The following CCDC171 variants were observed in gnomAD, a reference collection of about 807,000 sequenced individuals.
The protein encoded by CCDC171 is coiled-coil domain-containing protein 171.
Under a neutral mutation model 168.2 loss-of-function variants are expected in CCDC171, and 177 were observed. The ratio of observed to expected loss-of-function variants is 1.05; its 90% CI spans 0.93 to 1.19. CCDC171 has a LOEUF of 1.19. Among genes scored for constraint, CCDC171 ranks in the 50% most tolerant of loss-of-function variants. The pLI is 0.00. For synonymous variants in CCDC171, 687 were observed against 540.8 expected, an observed-to-expected ratio of 1.27 and a Z score of -3.75; for missense variants, 1,991 against 1,539.0, an observed-to-expected ratio of 1.29 and a Z score of -4.91.
the CCDC171 span, among the ~76,000 whole-genome samples, chr9:16,084,373 G>A: frequency 6.6e-6 from 1 of 152,052 alleles, no homozygotes; most frequent in Non-Finnish European, 1.5e-5. Flanking sequence ...CCTTTCTTGT[G>A]TTCCTCTCTC....
At chr9:15,822,395 C>T (rs973752547) in intron 21 of CCDC171, among the ~76,000 whole-genome samples, 6 of 151,564 alleles carry the variant, frequency 4.0e-5, no homozygotes, top group African/African-American at 1.5e-4. Context: ...AGTGAACAGG[C>T]AACCTACAGA....
intron 10 of CCDC171, among the ~76,000 whole-genome samples, chr9:15,691,455 GT>G (rs1329940689): frequency 4.3e-4 from 60 of 140,598 alleles, no homozygotes; most frequent in Middle Eastern, 3.8e-3. Context: ...TTCTCTATTT[GT>G]TTTTTTTTAC....
At position 15,724,843 on chromosome 9, in the gene CCDC171, G is replaced by A. The variant is rs759526744; in HGVS notation, c.1559G>A (p.Arg520Gln). 6.8e-6 allele frequency: 11 copies of A among 1,613,662 alleles called. No individual in the cohort carries two copies. The Admixed American group carries it at 1.3e-4, about 20-fold the overall frequency. ...LSHLHTKCAD[R>Q]EALISTLKVE... ...CATTTACACACTAAATGTGCAGACC[G>A]AGAGGCTTTAATAAGCACTTTAAAA... The change falls in exon 14 of 26, where the codon CGA becomes CAA. Residue 520 changes from arginine (R) to glutamine (Q), a missense_variant. Transcript: ENST00000380701.
At chr9:16,104,823 A>T in the CCDC171 span, among the ~76,000 whole-genome samples, 1 of 152,104 alleles carries the variant, frequency 6.6e-6, no homozygotes, top group African/African-American at 2.4e-5. Flanking sequence ...TGATGACCAA[A>T]TATAGATGTG....
intron 21 of CCDC171, among the ~76,000 whole-genome samples, chr9:15,843,222 T>C (rs1202477554): frequency 6.6e-6 from 1 of 152,100 alleles, no homozygotes; most frequent in Non-Finnish European, 1.5e-5. Context: ...ATAATAGCTT[T>C]TGAAATACAG....
intron 16 of CCDC171, among the ~76,000 whole-genome samples, chr9:15,735,893 G>A (rs892280571): frequency 6.6e-6 from 1 of 152,162 alleles, no homozygotes; most frequent in African/African-American, 2.4e-5. Flanking sequence ...TCAAATAATT[G>A]CTTTAGAAAT....
intron 10 of CCDC171, among the ~76,000 whole-genome samples, chr9:15,687,862 C>T (rs2050511493): frequency 6.6e-6 from 1 of 152,106 alleles, no homozygotes. Flanking sequence ...TGGCTCGTGC[C>T]TGTAATCCTA....
At chr9:16,012,074 A>G (rs919054963) in intron 3 of CCDC171, among the ~76,000 whole-genome samples, 1 of 152,196 alleles carries the variant, frequency 6.6e-6, no homozygotes, top group Non-Finnish European at 1.5e-5. Flanking sequence ...GCAAATAGGA[A>G]GTTCTCTTCT....
At chr9:15,733,761 G>A (rs1209805161) in intron 16 of CCDC171, among the ~76,000 whole-genome samples, 2 of 151,654 alleles carry the variant, frequency 1.3e-5, no homozygotes, top group African/African-American at 2.4e-5. Context: ...CTACCAGAAG[G>A]CATAGCAATT....
At chr9:15,727,492 G>C (rs1020166367) in intron 14 of CCDC171, among the ~76,000 whole-genome samples, 4 of 152,042 alleles carry the variant, frequency 2.6e-5, no homozygotes, top group African/African-American at 9.7e-5. Context: ...TAGAATTACT[G>C]TACTGAGTTA....
intron 7 of CCDC171, 37 bp downstream of exon 7, chr9:15,623,450 C>A: frequency 4.4e-6 from 6 of 1,377,482 alleles, no homozygotes; most frequent in Non-Finnish European, 4.1e-6. Flanking sequence ...TATATGCGTA[C>A]AAACTTTCAC....
At chr9:15,797,356 A>T (rs925802616) in intron 21 of CCDC171, among the ~76,000 whole-genome samples, 1 of 152,112 alleles carries the variant, frequency 6.6e-6, no homozygotes, top group Non-Finnish European at 1.5e-5. Context: ...AGCTAGGACT[A>T]CAGGCGCATG....
chr9:15,648,697 G>T (rs2047246935), intron 7 of CCDC171, among the ~76,000 whole-genome samples: 1 of 152,162 alleles, frequency 6.6e-6, no homozygotes, highest in Non-Finnish European at 1.5e-5. Flanking sequence ...CAAGGGATGT[G>T]AAAGACTTCT....
At chr9:16,057,920 A>G (rs1833868399) in intron 1 of CCDC171, among the ~76,000 whole-genome samples, 1 of 152,218 alleles carries the variant, frequency 6.6e-6, no homozygotes, top group South Asian at 2.1e-4. Context: ...TGCTGTGAGC[A>G]GCAGGCAGCA....
chr9:15,775,622 T>C (rs2057283673), intron 18 of CCDC171, among the ~76,000 whole-genome samples: 1 of 152,210 alleles, frequency 6.6e-6, no homozygotes, highest in Non-Finnish European at 1.5e-5. Flanking sequence ...CCGGCCTATT[T>C]ATTAAAATTT....
chr9:15,822,258 AG>A (rs1391568953), intron 21 of CCDC171, among the ~76,000 whole-genome samples: 1 of 152,186 alleles, frequency 6.6e-6, no homozygotes, highest in Non-Finnish European at 1.5e-5. Context: ...AATACCATTC[AG>A]GACATAGGCA....
downstream of CCDC171, among the ~76,000 whole-genome samples, chr9:15,976,337 T>C (rs1401329339): frequency 6.6e-6 from 1 of 152,206 alleles, no homozygotes; most frequent in Non-Finnish European, 1.5e-5. Flanking sequence ...ACTTGAATTT[T>C]CAAATTCTTT....
At chr9:16,097,036 A>T in the CCDC171 span, among the ~76,000 whole-genome samples, 2 of 152,322 alleles carry the variant, frequency 1.3e-5, no homozygotes, top group South Asian at 2.1e-4. Context: ...CATGAGGGTG[A>T]TGAAGGGTAT....
chr9:15,750,288 A>T (rs2055630949), intron 18 of CCDC171, among the ~76,000 whole-genome samples: 1 of 152,210 alleles, frequency 6.6e-6, no homozygotes, highest in African/African-American at 2.4e-5. Flanking sequence ...GAATCTCTGA[A>T]TAGACCAATA....
Sources: gnomAD v4.1 joint callset for allele counts (sites outside exome capture counted in the v4.1 genomes callset) on GRCh38, gnomAD v4.1.1 for gene constraint, MANE v1.5 for transcripts, NCBI Gene and HGNC (gene_info 2026-07-23, HGNC 2026-07-21) for gene names.